RYR2: variants seen among roughly 807,000 people sequenced by gnomAD.
The protein encoded by RYR2 is cardiac muscle ryanodine receptor-calcium release channel.
Under a neutral mutation model 601.1 loss-of-function variants are expected in RYR2, and 227 were observed. That is an observed-to-expected ratio of 0.38 (90% CI 0.34 to 0.42). The LOEUF (loss-of-function observed/expected upper bound fraction) is 0.42. Among genes scored for constraint, RYR2 ranks in the 10% least tolerant of loss-of-function variants. RYR2 has a pLI of 1.00. For missense variants in RYR2, 4,646 were observed against 6,156.5 expected (o/e 0.75, Z 8.21); for synonymous variants, 2,223 against 2,175.1 (o/e 1.02, Z -0.61).
rs1708193883 is a variant in RYR2 at position 237,444,818 on chromosome 1, AAAG to A, written c.1171-580_1171-578del. Among the ~76,000 whole-genome samples, 3 of 152,344 alleles carry A rather than the reference AAAG, an allele frequency of 2.0e-5. No homozygotes were observed. The South Asian group carries it at 6.2e-4, about 32-fold the overall frequency. On this transcript the variant is annotated intron_variant, in intron 13 of 104. Coordinates refer to ENST00000366574, the MANE Select transcript of RYR2 (RefSeq NM_001035.3). ...TCAAAAACAAAAAACTATCAAAAGA[AAAG>A]AAATATATGTATACATTTTTATCAT...
chr1:237,247,956 A>G lies in RYR2; in HGVS notation c.49-22541A>G, dbSNP rs1324817992. ...AAACAGGAGGCTTAAGGGTTTTCGC[A>G]GAATCTGAGTAGAAGTGATACAAAA... On this transcript the variant is annotated intron_variant, in intron 1 of 104. Coordinates refer to ENST00000366574, the MANE Select transcript of RYR2 (RefSeq NM_001035.3). 2.0e-5 allele frequency among the ~76,000 whole-genome samples: 3 copies of G among 152,118 alleles called. No individual in the cohort carries two copies. The East Asian group carries it at 5.8e-4, about 29-fold the overall frequency.
chr1:237,508,843 C>A (rs896185912), intron 23 of RYR2, among the ~76,000 whole-genome samples: 1 of 148,078 alleles, frequency 6.8e-6, no homozygotes. Flanking sequence ...CCCGGGTTCA[C>A]GCCATTCTCC....
intron 1 of RYR2, among the ~76,000 whole-genome samples, chr1:237,043,741 A>AAAAACAAAACAAAAC (rs55938498): frequency 1.2e-4 from 18 of 151,568 alleles, no homozygotes; most frequent in Middle Eastern, 3.4e-3. Flanking sequence ...TCAGCAGTAC[A>AAAAACAAAACAAAAC]AAAACAAAAC....
intron 10 of RYR2, among the ~76,000 whole-genome samples, chr1:237,395,533 C>CTTTTTTTTTTTTT (rs71180022): frequency 5.6e-4 from 49 of 87,428 alleles, no homozygotes; most frequent in African/African-American, 1.3e-3. Flanking sequence ...GTAGGACTGT[C>CTTTTTTTTTTTTT]TTTTTTTTTT....
In RYR2 at chr1:237,416,155, G is replaced by A. The variant is rs147653315; in HGVS notation, c.774-894G>A. Among the ~76,000 whole-genome samples the A allele has an allele frequency of 3.2e-3, 482 of 152,304 alleles. 2 individuals are homozygous for A. Among genetic ancestry groups the A allele is most frequent in the Middle Eastern group, 0.01 (3 of 294 alleles). ...ACATGAAGGTCACTTGATGACTTTA[G>A]CAAAGTCTGTTTCAGTGGAGAAATG... is the stretch of plus-strand genomic sequence containing the variant. On this transcript the variant is annotated intron_variant, in intron 10 of 104. Transcript: ENST00000366574.
intron 10 of RYR2, among the ~76,000 whole-genome samples, chr1:237,408,313 T>C (rs1229556333): frequency 6.6e-6 from 1 of 151,394 alleles, no homozygotes; most frequent in Admixed American, 6.6e-5. Context: ...TTGAAAAGAC[T>C]ATATTTTCTC....
chr1:237,203,194 T>A (rs1386523399), intron 1 of RYR2, among the ~76,000 whole-genome samples: 1 of 152,174 alleles, frequency 6.6e-6, no homozygotes, highest in African/African-American at 2.4e-5. Flanking sequence ...AAGATCATTC[T>A]TGAGTCTGAT....
intron 91 of RYR2, among the ~76,000 whole-genome samples, chr1:237,787,517 G>A (rs1443362123): frequency 3.3e-5 from 5 of 151,086 alleles, no homozygotes; most frequent in African/African-American, 4.9e-5. Flanking sequence ...ACTTGAACCC[G>A]GGAGCTGGAG....
intron 8 of RYR2, among the ~76,000 whole-genome samples, chr1:237,383,779 T>C (rs1572077289): frequency 6.6e-6 from 1 of 152,116 alleles, no homozygotes; most frequent in Admixed American, 6.5e-5. Flanking sequence ...CATGTGCCTA[T>C]TAGAGCTTGA....
intron 80 of RYR2, among the ~76,000 whole-genome samples, chr1:237,750,237 G>A (rs768031205): frequency 2.4e-4 from 36 of 151,986 alleles, no homozygotes; most frequent in Non-Finnish European, 4.7e-4. Flanking sequence ...AAGAATCATG[G>A]AACTATACAT....
intron 20 of RYR2, among the ~76,000 whole-genome samples, chr1:237,499,429 G>T (rs1664407854): frequency 6.6e-6 from 1 of 152,052 alleles, no homozygotes; most frequent in South Asian, 2.1e-4. Context: ...CTAATAGAGG[G>T]TCTATAAAGC....
intron 5 of RYR2, among the ~76,000 whole-genome samples, chr1:237,366,674 T>TCACACACACACACA (rs56679247): frequency 3.5e-5 from 5 of 144,916 alleles, no homozygotes; most frequent in African/African-American, 1.3e-4. Context: ...ACCTCTTTAG[T>TCACACACACACACA]CACACACACA....
intron 1 of RYR2, among the ~76,000 whole-genome samples, chr1:237,094,683 C>T (rs1667327664): frequency 6.6e-6 from 1 of 152,198 alleles, no homozygotes; most frequent in Admixed American, 6.5e-5. Context: ...GCTCCACCTC[C>T]TGGGTTCACG....
At chr1:237,080,844 G>A (rs936277526) in intron 1 of RYR2, among the ~76,000 whole-genome samples, 1 of 94,016 alleles carries the variant, frequency 1.1e-5, no homozygotes, top group Admixed American at 1.2e-4. Context: ...TGTTTATTGC[G>A]GCACTATTCA....
In RYR2 at chr1:237,530,432, T is replaced by C. The variant is rs373665895; in HGVS notation, c.2828T>C (p.Leu943Ser). The C allele has an allele frequency of 1.6e-4, 262 of 1,605,904 alleles. No homozygotes were observed. The highest frequency in any genetic ancestry group is 2.0e-4 in the Non-Finnish European group (239 of 1,175,976). ...LQMSLETLKT[L>S]LALGCHVGIS... ...TCTCTGGTTTTGTTTTCCAGGACTT[T>C]GTTGGCATTAGGATGTCATGTGGGT... The change falls in exon 25 of 105, where the codon TTG becomes TCG. Residue 943 changes from leucine (L) to serine (S), a missense_variant. Leu to Ser is a moderately radical substitution (Grantham distance 145, BLOSUM62 -2). Transcript: ENST00000366574.
At chr1:237,562,973 G>T (rs1671604811) in intron 27 of RYR2, among the ~76,000 whole-genome samples, 1 of 152,128 alleles carries the variant, frequency 6.6e-6, no homozygotes, top group Admixed American at 6.5e-5. Flanking sequence ...AAATAAGTTT[G>T]TTACGGATTG....
chr1:237,691,686 G>A (rs775047871), intron 63 of RYR2, among the ~76,000 whole-genome samples: 8 of 152,128 alleles, frequency 5.3e-5, no homozygotes, highest in Non-Finnish European at 8.8e-5. Context: ...GAAGACAAGC[G>A]GTATTACCCA....
intron 8 of RYR2, among the ~76,000 whole-genome samples, chr1:237,382,898 C>A (rs971263603): frequency 6.8e-6 from 1 of 148,000 alleles, no homozygotes; most frequent in African/African-American, 2.5e-5. Flanking sequence ...TATTTCTCTG[C>A]CCCTCATTTG....
intron 1 of RYR2, among the ~76,000 whole-genome samples, chr1:237,087,273 T>C (rs1269325629): frequency 4.6e-5 from 7 of 152,148 alleles, no homozygotes; most frequent in Non-Finnish European, 8.8e-5. Context: ...GGTTTTCGTG[T>C]GTGTTTGTAG....
Sources: gnomAD v4.1 joint callset for allele counts (sites outside exome capture counted in the v4.1 genomes callset) on GRCh38, gnomAD v4.1.1 for gene constraint, MANE v1.5 for transcripts, NCBI Gene and HGNC (gene_info 2026-07-23, HGNC 2026-07-21) for gene names.